Variants in CNTN6 observed in about 807,000 individuals in gnomAD.
The protein encoded by CNTN6 is contactin 6.
Under a neutral mutation model 122.8 loss-of-function variants are expected in CNTN6, and 137 were observed. The ratio of observed to expected loss-of-function variants is 1.12; its 90% CI spans 0.97 to 1.29. The LOEUF (loss-of-function observed/expected upper bound fraction) is 1.29, where lower values mean the gene tolerates loss of function less well. Ranked by LOEUF, CNTN6 falls within the 50% of genes most tolerant of loss-of-function variation. CNTN6 has a pLI of 0.00. For missense variants in CNTN6, 1,634 were observed against 1,223.4 expected (o/e 1.34, Z -5.01); for synonymous variants, 570 against 426.0 (o/e 1.34, Z -4.16).
intron 2 of CNTN6, among the ~76,000 whole-genome samples, chr3:1,180,364 A>G (rs1472471558): frequency 6.6e-6 from 1 of 152,216 alleles, no homozygotes; most frequent in Non-Finnish European, 1.5e-5. Flanking sequence ...TCAATTAATT[A>G]CCTTGAATGT....
At chr3:1,309,290 C>A (rs1486481971) in intron 7 of CNTN6, among the ~76,000 whole-genome samples, 1 of 152,072 alleles carries the variant, frequency 6.6e-6, no homozygotes, top group African/African-American at 2.4e-5. Context: ...ATTGATGGTC[C>A]ATTTTGCATT....
intron 1 of CNTN6, among the ~76,000 whole-genome samples, chr3:1,115,365 A>G (rs1190049619): frequency 6.6e-6 from 1 of 152,154 alleles, no homozygotes; most frequent in Non-Finnish European, 1.5e-5. Flanking sequence ...TACTGGCATT[A>G]TGAAGAAAGA....
chr3:1,374,201 C>T, intron 16 of CNTN6, 128 bp downstream of exon 16: 2 of 863,930 alleles, frequency 2.3e-6, no homozygotes, highest in Non-Finnish European at 3.3e-6. Context: ...ACGAGTGGCT[C>T]TCATTTTCTT....
chr3:1,152,045 CTT>C (rs1223622405), intron 2 of CNTN6, among the ~76,000 whole-genome samples: 2 of 152,096 alleles, frequency 1.3e-5, no homozygotes, highest in Non-Finnish European at 2.9e-5. Context: ...CGGAGAAAAA[CTT>C]ATAACTGTAA....
chr3:1,368,146 C>G (rs555127138), intron 12 of CNTN6, among the ~76,000 whole-genome samples: 2 of 152,104 alleles, frequency 1.3e-5, no homozygotes, highest in South Asian at 4.2e-4. Flanking sequence ...TTGGGGAAAC[C>G]AATAATTGAT....
At chr3:1,297,864 T>A in intron 6 of CNTN6, 25 bp from the exon 7 acceptor site, 1 of 1,559,480 alleles carries the variant, frequency 6.4e-7, no homozygotes, top group Non-Finnish European at 8.8e-7. Context: ...CCAGAAATGC[T>A]GCTAGCTCTT....
rs552682392 is a variant in CNTN6 at position 1,279,369 on chromosome 3, A to G, written c.454+861A>G. ...ACATCCATGGAGTCATTTGGTACAA[A>G]CCAATATCACACTATATTATAGAAA... is the stretch of plus-strand genomic sequence containing the variant. On this transcript the variant is annotated intron_variant, in intron 5 of 22. Coordinates refer to ENST00000446702, the MANE Select transcript of CNTN6 (RefSeq NM_001289080.2). Among the ~76,000 whole-genome samples, 126 of 42,472 alleles carry G rather than the reference A, an allele frequency of 3.0e-3. 2 individuals are homozygous for G. The East Asian group carries it at 0.11, about 38-fold the overall frequency. The allele number at this position is 42,472 out of a possible 152,430, so 27.9% of individuals were successfully genotyped here.
chr3:1,164,120 T>C (rs1199184571), intron 2 of CNTN6, among the ~76,000 whole-genome samples: 2 of 150,080 alleles, frequency 1.3e-5, no homozygotes, highest in African/African-American at 5.1e-5. Flanking sequence ...TAAGTTTGTC[T>C]GGTGAGAAAG....
intron 1 of CNTN6, among the ~76,000 whole-genome samples, chr3:1,099,674 T>C (rs1274991365): frequency 6.6e-6 from 1 of 152,158 alleles, no homozygotes; most frequent in Non-Finnish European, 1.5e-5. Flanking sequence ...AACAATTTCA[T>C]GTTTGTTATT....
intron 11 of CNTN6, among the ~76,000 whole-genome samples, chr3:1,333,338 A>G (rs1702586168): frequency 6.6e-6 from 1 of 152,084 alleles, no homozygotes; most frequent in Non-Finnish European, 1.5e-5. Context: ...TCCTAAACTC[A>G]AACACAGAAC....
intron 1 of CNTN6, among the ~76,000 whole-genome samples, chr3:1,095,647 G>A (rs2090487467): frequency 2.0e-5 from 3 of 152,138 alleles, no homozygotes; most frequent in South Asian, 4.1e-4. Flanking sequence ...TACCCTTACA[G>A]TTAAGACCAA....
intron 6 of CNTN6, 106 bp downstream of exon 6, chr3:1,295,910 C>G: frequency 1.1e-6 from 1 of 949,260 alleles, no homozygotes; most frequent in Non-Finnish European, 1.6e-6. Flanking sequence ...AGCCAAATTA[C>G]GAGTTTAGGT....
chr3:1,389,341 A>C (rs867356661), intron 20 of CNTN6, among the ~76,000 whole-genome samples: 29 of 152,136 alleles, frequency 1.9e-4, no homozygotes, highest in East Asian at 9.7e-4. Context: ...GAAATAAAAT[A>C]CTTTACAGAC....
chr3:1,295,110 G>T (rs1230835089), intron 5 of CNTN6, among the ~76,000 whole-genome samples: 1 of 152,090 alleles, frequency 6.6e-6, no homozygotes, highest in Non-Finnish European at 1.5e-5. Flanking sequence ...AAGAAATTAT[G>T]TAATGATCAA....
At chr3:1,192,069 C>A (rs904433210) in intron 2 of CNTN6, among the ~76,000 whole-genome samples, 2 of 152,122 alleles carry the variant, frequency 1.3e-5, no homozygotes, top group Non-Finnish European at 2.9e-5. Context: ...TTCAATCTGC[C>A]TCGTCCTTTT....
chr3:1,244,347 C>T (rs1050848556), intron 4 of CNTN6, among the ~76,000 whole-genome samples: 2 of 151,488 alleles, frequency 1.3e-5, no homozygotes, highest in African/African-American at 2.4e-5. Context: ...TGGGACTTGC[C>T]GCTGAGGGTG....
chr3:1,370,807 C>CA (rs1708901737), intron 12 of CNTN6, among the ~76,000 whole-genome samples: 1 of 152,056 alleles, frequency 6.6e-6, no homozygotes, highest in Non-Finnish European at 1.5e-5. Flanking sequence ...AAGATGGCAT[C>CA]ACTGCACTCT....
chr3:1,289,427 C>T (rs1240938655), intron 5 of CNTN6, among the ~76,000 whole-genome samples: 3 of 152,264 alleles, frequency 2.0e-5, no homozygotes, highest in South Asian at 2.1e-4. Flanking sequence ...CTGCTGCTAG[C>T]TCTATTCCCC....
intron 1 of CNTN6, among the ~76,000 whole-genome samples, chr3:1,126,820 C>T (rs184866993): frequency 6.6e-6 from 1 of 151,950 alleles, no homozygotes; most frequent in African/African-American, 2.4e-5. Flanking sequence ...ATTCTTCCAA[C>T]ATCACCAAGG....
Sources: allele counts gnomAD v4.1 joint callset (sites outside exome capture counted in the v4.1 genomes callset), GRCh38; gene constraint gnomAD v4.1.1; transcripts MANE v1.5; gene names NCBI Gene and HGNC (gene_info 2026-07-23, HGNC 2026-07-21).